TLCD3B: variants seen among roughly 807,000 people sequenced by gnomAD.
The protein encoded by TLCD3B is TLC domain containing 3B.
A neutral mutation model predicts 23.0 loss-of-function variants in TLCD3B; 9 were observed. The ratio of observed to expected loss-of-function variants is 0.39; its 90% CI spans 0.24 to 0.68. TLCD3B has a LOEUF of 0.68. TLCD3B is among the 30% of genes least tolerant of loss of function. The probability of loss-of-function intolerance (pLI) is 0.44; values close to 1 mark genes in which losing one functional copy is unlikely to be tolerated. For synonymous variants in TLCD3B, 161 were observed against 161.0 expected (o/e 1.00, Z 0.00); for missense variants, 307 against 371.8 (o/e 0.83, Z 1.43).
intron 3 of TLCD3B, among the ~76,000 whole-genome samples, chr16:30,040,643 A>C (rs1295353594): frequency 6.6e-6 from 1 of 151,638 alleles, no homozygotes; most frequent in Non-Finnish European, 1.5e-5. Flanking sequence ...ACCCCTCTGC[A>C]GTTATTTTCT....
In TLCD3B at chr16:30,030,446, GGGGCAGCCGCT is replaced by G. The variant is rs2150983298; in HGVS notation, c.71_81del (p.Gln24ProfsTer41). The G allele has an allele frequency of 6.2e-7, 1 of 1,604,480 alleles. No individual in the cohort carries two copies. Among genetic ancestry groups the G allele is most frequent in the African/African-American group, 1.3e-5 (1 of 74,526 alleles). On this transcript the variant is annotated frameshift_variant, in exon 1 of 5. Coordinates refer to ENST00000380495, the MANE Select transcript of TLCD3B (RefSeq NM_031478.6). LOFTEE classifies it high-confidence loss of function. ...GCGTCGGCCTCCTCCCAGCGTAGCTGGGGCAGCCGCTGGAGCGTGTTCTTGGAGAGGAGGAA... is the reference window on the plus strand; with the variant it reads ...GCGTCGGCCTCCTCCCAGCGTAGCTGGGAGCGTGTTCTTGGAGAGGAGGAA...
chr16:30,032,053 A>G (rs1346880730), upstream of TLCD3B, among the ~76,000 whole-genome samples: 7 of 152,082 alleles, frequency 4.6e-5, no homozygotes, highest in Admixed American at 1.3e-4. Context: ...AGTTTCCTTA[A>G]TGCTACTAGC....
intron 2 of TLCD3B, among the ~76,000 whole-genome samples, chr16:30,028,619 A>C (rs933934609): frequency 2.8e-4 from 43 of 152,180 alleles, no homozygotes; most frequent in African/African-American, 1.0e-3. Context: ...CCGCTGCCTC[A>C]CCACAGAAGA....
In TLCD3B at chr16:30,025,032, C is replaced by G. The variant is rs2071039916; in HGVS notation, c.*151G>C. On this transcript the variant is annotated 3_prime_UTR_variant, in exon 5 of 5. Transcript: ENST00000380495. The surrounding 1 kb of genome is among the most constrained non-coding windows in gnomAD (Gnocchi z 4.1). ...CCCCTCTCTCCACCCCCTCAGTCCC[C>G]GAGAGATGGGGCCTCTTCCCTTTCG... The G allele has an allele frequency of 5.2e-6, 3 of 575,566 alleles. No homozygotes were observed. Among genetic ancestry groups the G allele is most frequent in the East Asian group, 3.1e-5 (1 of 32,174 alleles). The allele number at this position is 575,566 out of a possible 1,614,324, so 35.7% of individuals were successfully genotyped here. A position where few individuals can be genotyped will look rare whatever the true frequency, so the allele number is the denominator to read the frequency against.
At position 30,030,514 on chromosome 16, in the gene TLCD3B, A is replaced by G. The variant is rs2071324089; in HGVS notation, c.14T>C (p.Met5Thr). The part of the protein sequence containing the change: MLTP[M>T]VAGGVVFPGL... ...GGGGAACACCACCCCCCCGGCCACCATCGGGGTCAGCATGGTGGCTCAGGA... is the reference window on the plus strand; with the variant it reads ...GGGGAACACCACCCCCCCGGCCACCGTCGGGGTCAGCATGGTGGCTCAGGA... The change falls in exon 1 of 5, where the codon ATG becomes ACG. Residue 5 changes from methionine (M) to threonine (T), a missense_variant. Coordinates refer to ENST00000380495, the MANE Select transcript of TLCD3B (RefSeq NM_031478.6). The G allele has an allele frequency of 4.4e-6, 7 of 1,588,566 alleles. No homozygotes were observed. The highest frequency in any genetic ancestry group is 6.0e-6 in the Non-Finnish European group (7 of 1,170,664).
rs765990226 is a variant in TLCD3B at position 30,036,393 on chromosome 16, A to C, written c.-66-179T>G. On this transcript the variant is annotated intron_variant, in intron 3 of 6. Transcript: ENST00000561666. ...ATAGATATCATTTTTGTTTAGAAAG[A>C]CCTCCCCTCCCATCTACTCTGGGGA... The C allele has an allele frequency of 2.3e-6, 3 of 1,285,346 alleles. No individual in the cohort carries two copies. In the South Asian group the frequency reaches 3.7e-5, roughly 16 times the overall value. The allele number at this position is 1,285,346 out of a possible 1,614,324, so 79.6% of individuals were successfully genotyped here.
At chr16:30,049,969 G>C (rs549932375) in intron 1 of TLCD3B, among the ~76,000 whole-genome samples, 1 of 151,932 alleles carries the variant, frequency 6.6e-6, no homozygotes, top group Admixed American at 6.6e-5. Flanking sequence ...CCTTGGCAAA[G>C]TGGGGTGCAT....
intron 2 of TLCD3B, among the ~76,000 whole-genome samples, chr16:30,042,574 A>G (rs1406567740): frequency 1.3e-5 from 2 of 152,192 alleles, no homozygotes; most frequent in Admixed American, 6.5e-5. Context: ...AGATAGGATT[A>G]GTTCCATTTT....
upstream of TLCD3B, chr16:30,035,629 T>G (rs1368880977): frequency 1.7e-6 from 1 of 592,202 alleles, no homozygotes; most frequent in Non-Finnish European, 2.5e-6. Flanking sequence ...GGCAAACCTC[T>G]TCTCTAAGCT....
chr16:30,025,898 C>G lies in TLCD3B; in HGVS notation c.445-77G>C. On this transcript the variant is annotated intron_variant, in intron 3 of 4. Transcript: ENST00000380495. This position sits in a 1 kb window ranked among gnomAD's most constrained non-coding sequence, Gnocchi z 4.1. ...GGCAGCCCCCGCCCTTCCTCTTTCC[C>G]CTCTGTCACTTTGGGAGATGCTTGA... 8.7e-7 allele frequency: 1 copy of G among 1,146,926 alleles called. No individual in the cohort carries two copies. Among genetic ancestry groups the G allele is most frequent in the Non-Finnish European group, 1.3e-6 (1 of 773,216 alleles). 71.0% of individuals were successfully genotyped at this position (1,146,926 alleles called of 1,614,324 possible).
At position 30,026,798 on chromosome 16, in the gene TLCD3B, G is replaced by GTCCTCTGCCTAC; in HGVS notation, c.254_255insGTAGGCAGAGGA (p.Phe85delinsLeuTer). 1.2e-6 allele frequency: 2 copies of GTCCTCTGCCTAC among 1,614,184 alleles called. No homozygotes were observed. The highest frequency in any genetic ancestry group is 1.7e-6 in the Non-Finnish European group (2 of 1,180,036). ...GGAACATGGCGTAGATGTCGTAGAT[G>GTCCTCTGCCTAC]AAGTAGGGCACAGCAAATTGCGTGT... On this transcript the variant is annotated stop_gained and protein_altering_variant, in exon 3 of 5. Transcript: ENST00000380495. LOFTEE classifies it high-confidence loss of function.
In TLCD3B at chr16:30,026,791, C is replaced by T. The variant is rs1178436191; in HGVS notation, c.262G>A (p.Asp88Asn). ...TQFAVPYFIY[D>N]IYAMFLCHWH... ...TGACAGAGGAACATGGCGTAGATGT[C>T]GTAGATGAAGTAGGGCACAGCAAAT... is the stretch of plus-strand genomic sequence containing the variant. Residue 88 changes from aspartate (D) to asparagine (N), a missense_variant, in exon 3 of 5, where the codon GAC becomes AAC. Transcript: ENST00000380495. The T allele has an allele frequency of 6.2e-6, 10 of 1,613,984 alleles. No homozygotes were observed. The highest frequency in any genetic ancestry group is 1.3e-5 in the African/African-American group (1 of 74,924).
chr16:30,031,566 C>A (rs1281584900), upstream of TLCD3B, among the ~76,000 whole-genome samples: 1 of 152,240 alleles, frequency 6.6e-6, no homozygotes, highest in African/African-American at 2.4e-5. Context: ...TTTGGGTGGC[C>A]ATTCCAGCGG....
intron 1 of TLCD3B, among the ~76,000 whole-genome samples, chr16:30,051,081 G>T (rs1299672721): frequency 1.3e-5 from 2 of 152,060 alleles, no homozygotes; most frequent in African/African-American, 2.4e-5. Flanking sequence ...GATGGTGTTT[G>T]GTTTCAATTC....
Position 30,030,674 on chromosome 16 carries a change from A to G in TLCD3B, c.-147T>C. On this transcript the variant is annotated 5_prime_UTR_variant, in exon 1 of 5. Coordinates refer to ENST00000380495, the MANE Select transcript of TLCD3B (RefSeq NM_031478.6). ...GGGGCACAAAGGGGCCAGGGCGGGG[A>G]CGGGATGGGGCCAGGGAGTCCGATG... is the stretch of plus-strand genomic sequence containing the variant. 9.2e-7 allele frequency: 1 copy of G among 1,088,706 alleles called. No individual in the cohort carries two copies. The highest frequency in any genetic ancestry group is 1.1e-6 in the Non-Finnish European group (1 of 900,170). The allele number at this position is 1,088,706 out of a possible 1,614,324, so 67.4% of individuals were successfully genotyped here.
At position 30,030,560 on chromosome 16, in the gene TLCD3B, G is replaced by C; in HGVS notation, c.-33C>G. The C allele has an allele frequency of 6.5e-7, 1 of 1,545,680 alleles. No homozygotes were observed. Among genetic ancestry groups the C allele is most frequent in the Non-Finnish European group, 8.7e-7 (1 of 1,150,832 alleles). On this transcript the variant is annotated 5_prime_UTR_variant, in exon 1 of 5. Coordinates refer to ENST00000380495, the MANE Select transcript of TLCD3B (RefSeq NM_031478.6). ...CAGGACTTGGGCAGGGAGGCAGGCG[G>C]GCCGTGAAGGGGCAGGGAGGCCGAG...
chr16:30,025,708 C>G lies in TLCD3B; in HGVS notation c.540+18G>C. On this transcript the variant is annotated intron_variant, in intron 4 of 4. Transcript: ENST00000380495. This position sits in a 1 kb window ranked among gnomAD's most constrained non-coding sequence, Gnocchi z 4.1. ...TGACCTCCCCATTGGGCTCCTGCAC[C>G]CTCCCATGCTCACTCACCTGGATGA... 6.2e-7 allele frequency: 1 copy of G among 1,613,154 alleles called. No homozygotes were observed. The highest frequency in any genetic ancestry group is 8.5e-7 in the Non-Finnish European group (1 of 1,179,210).
chr16:30,044,468 C>T (rs1465207127), intron 2 of TLCD3B, among the ~76,000 whole-genome samples: 2 of 151,558 alleles, frequency 1.3e-5, no homozygotes, highest in Admixed American at 6.6e-5. Flanking sequence ...CCACCACACT[C>T]GGCTAATTGT....
At position 30,025,621 on chromosome 16, in the gene TLCD3B, G is replaced by T. The variant is rs140294527; in HGVS notation, c.540+105C>A. 1.9e-3 allele frequency: 2,689 copies of T among 1,427,952 alleles called. 12 individuals are homozygous for T. The highest frequency in any genetic ancestry group is 0.016 in the Middle Eastern group (93 of 5,754). 88.5% of individuals were successfully genotyped at this position (1,427,952 alleles called of 1,614,324 possible). A position where few individuals can be genotyped will look rare whatever the true frequency, so the allele number is the denominator to read the frequency against. The stretch of plus-strand genomic sequence containing the variant: ...CAGGTGCTCAAAATGCACGGGGTGA[G>T]GGGGGGATGACGAAGGGGCTAGAGC... On this transcript the variant is annotated intron_variant, in intron 4 of 4. Coordinates refer to ENST00000380495, the MANE Select transcript of TLCD3B (RefSeq NM_031478.6). This position sits in a 1 kb window ranked among gnomAD's most constrained non-coding sequence, Gnocchi z 4.1.
Sources: gnomAD v4.1 joint callset for allele counts (sites outside exome capture counted in the v4.1 genomes callset) on GRCh38, gnomAD v4.1.1 for gene constraint, Gnocchi (gnomAD v3.1) non-coding constraint, MANE v1.5 for transcripts, NCBI Gene and HGNC (gene_info 2026-07-23, HGNC 2026-07-21) for gene names.